DNAH17: variants seen among roughly 807,000 people sequenced by gnomAD.
DNAH17 encodes dynein axonemal heavy chain 17.
DNAH17 carries 376 observed loss-of-function variants against 485.6 expected under a neutral mutation model. The ratio of observed to expected loss-of-function variants is 0.77; its 90% CI spans 0.71 to 0.84. The LOEUF (loss-of-function observed/expected upper bound fraction) is 0.84, where lower values mean the gene tolerates loss of function less well. Among genes scored for constraint, DNAH17 ranks in the 40% least tolerant of loss-of-function variants. DNAH17 has a pLI of 0.00. For missense variants in DNAH17, 6,370 were observed against 5,839.3 expected (o/e 1.09, Z -2.96); for synonymous variants, 3,031 against 2,405.9 (o/e 1.26, Z -7.60).
chr17:78,466,400 GT>G (rs1015503094), intron 56 of DNAH17, among the ~76,000 whole-genome samples: 61 of 151,908 alleles, frequency 4.0e-4, no homozygotes, highest in African/African-American at 1.4e-3. Flanking sequence ...ACCCTGCCAA[GT>G]CCCCCTCTGT....
chr17:78,483,530 T>C (rs777071243), intron 48 of DNAH17, among the ~76,000 whole-genome samples: 32 of 152,110 alleles, frequency 2.1e-4, no homozygotes, highest in Admixed American at 5.9e-4. Context: ...CTTGGGAGAC[T>C]GAGGCAGGAG....
At position 78,437,881 on chromosome 17, in the gene DNAH17, C is replaced by A. The variant is rs1355213642; in HGVS notation, c.11806-13G>T. 1 of 1,595,476 alleles carries A rather than the reference C, an allele frequency of 6.3e-7. No individual in the cohort carries two copies. The highest frequency in any genetic ancestry group is 8.6e-7 in the Non-Finnish European group (1 of 1,167,918). On this transcript the variant is annotated splice_polypyrimidine_tract_variant and intron_variant, in intron 73 of 80. Transcript: ENST00000389840. ...CCAGGTGGATATTCTGCAGCCAAGA[C>A]TAGAGGCTGGTTACACACTTTGCCC...
At chr17:78,497,701 A>G (rs766556648) in intron 37 of DNAH17, among the ~76,000 whole-genome samples, 4 of 152,212 alleles carry the variant, frequency 2.6e-5, no homozygotes, top group African/African-American at 4.8e-5. Context: ...CAGAGGGAGC[A>G]TAAGGAGAGG....
intron 55 of DNAH17, among the ~76,000 whole-genome samples, chr17:78,467,735 G>A (rs775990405): frequency 5.3e-5 from 8 of 152,158 alleles, no homozygotes; most frequent in Non-Finnish European, 1.2e-4. Flanking sequence ...GCTTACCCTA[G>A]AGGTGATGTC....
In DNAH17 at chr17:78,544,795, A is replaced by G. The variant is rs1003263319; in HGVS notation, c.2392-798T>C. 5.2e-5 allele frequency among the ~76,000 whole-genome samples: 5 copies of G among 96,876 alleles called. No homozygotes were observed. The East Asian group carries it at 1.0e-3, about 19-fold the overall frequency. 63.6% of individuals were successfully genotyped at this position (96,876 alleles called of 152,430 possible). ...CAGCCTGGGGCACAGAGCGAGACTC[A>G]GTCTCAAAAAAAAAAAAAAAAAAAA... On this transcript the variant is annotated intron_variant, in intron 16 of 80. Transcript: ENST00000389840.
chr17:78,530,559 G>C lies in DNAH17; in HGVS notation c.3115-47C>G, dbSNP rs192079141. ...GGCCTGTCATAGCCTGCAAGCCTAG[G>C]GGGGGCGTCAGCACAGGGCCTCAGT... On this transcript the variant is annotated intron_variant, in intron 20 of 80. Coordinates refer to ENST00000389840, the MANE Select transcript of DNAH17 (RefSeq NM_173628.4). The C allele has an allele frequency of 2.1e-3, 3,334 of 1,565,786 alleles. 56 individuals carry two copies. The African/African-American group carries it at 0.033, about 15-fold the overall frequency.
At chr17:78,508,914 A>G (rs2090560725) in intron 27 of DNAH17, among the ~76,000 whole-genome samples, 1 of 150,188 alleles carries the variant, frequency 6.7e-6, no homozygotes, top group Non-Finnish European at 1.5e-5. Context: ...TCATCCTCCC[A>G]CTTCAGCCTC....
At chr17:78,457,787 A>G (rs1375792807) in intron 62 of DNAH17, among the ~76,000 whole-genome samples, 4 of 151,512 alleles carry the variant, frequency 2.6e-5, no homozygotes, top group Admixed American at 2.6e-4. Flanking sequence ...CAGCCTCCCA[A>G]ATAGCTGGGA....
intron 27 of DNAH17, among the ~76,000 whole-genome samples, chr17:78,508,147 A>G (rs1400548776): frequency 1.3e-5 from 2 of 152,208 alleles, no homozygotes; most frequent in Non-Finnish European, 2.9e-5. Context: ...GTGCCACCCC[A>G]AAATATGCCA....
chr17:78,576,682 G>A (rs368269831), intron 1 of DNAH17, among the ~76,000 whole-genome samples: 3 of 152,188 alleles, frequency 2.0e-5, no homozygotes, highest in African/African-American at 7.2e-5. Flanking sequence ...CGCCAAGCTG[G>A]TCAGGCGACT....
At chr17:78,504,480 C>CCCACCCCACCCACCCCATCCACCCCAT (rs2090418571) in intron 31 of DNAH17, among the ~76,000 whole-genome samples, 1 of 14,014 alleles carries the variant, frequency 7.1e-5, no homozygotes, top group Non-Finnish European at 1.5e-4. Context: ...CACCACCCCA[C>CCCACCCCACCCACCCCATCCACCCCAT]CCACCCCACC....
chr17:78,480,598 C>T, intron 49 of DNAH17, 86 bp downstream of exon 49: 2 of 1,214,128 alleles, frequency 1.6e-6, no homozygotes, highest in Non-Finnish European at 2.3e-6. Flanking sequence ...GCCCTAACAC[C>T]CTAAACCAAA....
chr17:78,451,630 A>T lies in DNAH17; in HGVS notation c.10573T>A (p.Phe3525Ile). 1 of 1,597,884 alleles carries T rather than the reference A, an allele frequency of 6.3e-7. No individual in the cohort carries two copies. Among genetic ancestry groups the T allele is most frequent in the South Asian group, 1.1e-5 (1 of 89,052 alleles). ...TACTTGGTGTGTAGGATCAGGCGGA[A>T]CTTGGGGTGGTACTCCACCTCCTTG... ...GDKEVEYHPK[F>I]RLILHTKYFN... The change falls in exon 66 of 81, where the codon TTC becomes ATC. Residue 3525 changes from phenylalanine to isoleucine, a missense_variant. Coordinates refer to ENST00000389840, the MANE Select transcript of DNAH17 (RefSeq NM_173628.4).
At chr17:78,495,437 G>T (rs1598583151) in intron 38 of DNAH17, among the ~76,000 whole-genome samples, 1 of 135,008 alleles carries the variant, frequency 7.4e-6, no homozygotes, top group Non-Finnish European at 1.6e-5. Flanking sequence ...TCCTGGGAGT[G>T]TTTTTTTTTT....
rs73379422 is a variant in DNAH17 at position 78,480,456 on chromosome 17, A to T, written c.7752+228T>A. ...TATCTGGAGTTTGGATTTAACTGCA[A>T]TTTTATTTGCTAACTCTGCCAGTTG... On this transcript the variant is annotated intron_variant, in intron 49 of 80. Coordinates refer to ENST00000389840, the MANE Select transcript of DNAH17 (RefSeq NM_173628.4). Among the ~76,000 whole-genome samples the T allele has an allele frequency of 0.031, 4,779 of 152,310 alleles. 233 individuals carry two copies. The highest frequency in any genetic ancestry group is 0.11 in the African/African-American group (4,367 of 41,562).
intron 72 of DNAH17, among the ~76,000 whole-genome samples, chr17:78,439,705 T>C (rs2086994161): frequency 7.3e-6 from 1 of 136,570 alleles, no homozygotes. Flanking sequence ...AGTCTCACTC[T>C]GTCGCCCAGG....
intron 14 of DNAH17, 123 bp downstream of exon 14, chr17:78,557,985 G>A (rs2092064115): frequency 1.6e-6 from 2 of 1,222,842 alleles, no homozygotes; most frequent in Non-Finnish European, 2.2e-6. Context: ...ATGGAAGAAT[G>A]AATTTGAGTG....
At chr17:78,477,170 A>G (rs536267472) in intron 51 of DNAH17, among the ~76,000 whole-genome samples, 2 of 152,310 alleles carry the variant, frequency 1.3e-5, no homozygotes, top group East Asian at 3.9e-4. Context: ...AGGGCCTGGA[A>G]TTTCCCAGGC....
chr17:78,505,223 A>AGGGC (rs1369533771), intron 31 of DNAH17, 70 bp downstream of exon 31: 2 of 1,579,462 alleles, frequency 1.3e-6, no homozygotes, highest in African/African-American at 2.7e-5. Flanking sequence ...TCGCCATCTG[A>AGGGC]GGGCGTGTGG....
Sources: gnomAD v4.1 joint callset for allele counts (sites outside exome capture counted in the v4.1 genomes callset) on GRCh38, gnomAD v4.1.1 for gene constraint, MANE v1.5 for transcripts, NCBI Gene and HGNC (gene_info 2026-07-23, HGNC 2026-07-21) for gene names.